Variants in FBXW4 observed in about 807,000 individuals in gnomAD.
FBXW4 encodes the protein F-box and WD repeat domain containing 4.
In FBXW4, 40 loss-of-function variants were observed where a neutral mutation model predicts 61.8. That is an observed-to-expected ratio of 0.65 (90% CI 0.50 to 0.84). The LOEUF is 0.84. FBXW4 is among the 40% of genes least tolerant of loss of function. FBXW4 has a pLI of 0.00. For missense variants in FBXW4, 672 were observed against 753.8 expected (o/e 0.89, Z 1.27); for synonymous variants, 311 against 313.8 (o/e 0.99, Z 0.10).
chr10:101,654,119 TAAAAAAA>T (rs60568785), intron 5 of FBXW4, among the ~76,000 whole-genome samples: 1 of 118,306 alleles, frequency 8.5e-6, no homozygotes, highest in African/African-American at 3.2e-5. Context: ...GACTCCGTCT[TAAAAAAA>T]AAAAAAAAAA....
Position 101,652,352 on chromosome 10 carries a change from A to G in FBXW4, c.1235+15534T>C, listed in dbSNP as rs553307131. On this transcript the variant is annotated intron_variant, in intron 5 of 8. Transcript: ENST00000331272. ...TCAGTAGCTTTTTTCTTGATTCTAA[A>G]TCAGTCTCTCTTGCTTCGCCCTGGA... Among the ~76,000 whole-genome samples the G allele has an allele frequency of 2.6e-5, 4 of 152,288 alleles. No homozygotes were observed. In the South Asian group the frequency reaches 8.3e-4, roughly 32 times the overall value.
intron 6 of FBXW4, among the ~76,000 whole-genome samples, chr10:101,623,654 C>A (rs2063885163): frequency 6.6e-6 from 1 of 152,014 alleles, no homozygotes; most frequent in Non-Finnish European, 1.5e-5. Context: ...GCTTTAGTTG[C>A]AATAGTCAAA....
At chr10:101,645,636 A>G (rs968462486) in intron 5 of FBXW4, among the ~76,000 whole-genome samples, 13 of 152,260 alleles carry the variant, frequency 8.5e-5, no homozygotes, top group South Asian at 2.1e-4. Flanking sequence ...GGGTTCCCCA[A>G]GCCAGCCTTG....
chr10:101,629,460 T>G (rs927873777), intron 5 of FBXW4, among the ~76,000 whole-genome samples: 1 of 152,004 alleles, frequency 6.6e-6, no homozygotes, highest in Admixed American at 6.6e-5. Context: ...ATTTTTGTAT[T>G]TTTAGTAGAG....
At chr10:101,679,802 A>C (rs2064453016) in intron 1 of FBXW4, among the ~76,000 whole-genome samples, 1 of 152,186 alleles carries the variant, frequency 6.6e-6, no homozygotes, top group East Asian at 1.9e-4. Context: ...GAATTGTACA[A>C]TGATGAAGTC....
intron 3 of FBXW4, 45 bp downstream of exon 3, chr10:101,673,443 A>T (rs746357841): frequency 6.2e-7 from 1 of 1,602,786 alleles, no homozygotes; most frequent in South Asian, 1.1e-5. Flanking sequence ...ATGTCCCCGA[A>T]GTATAAGATG....
At chr10:101,631,486 T>G (rs1179203220) in intron 5 of FBXW4, among the ~76,000 whole-genome samples, 1 of 151,934 alleles carries the variant, frequency 6.6e-6, no homozygotes, top group Non-Finnish European at 1.5e-5. Flanking sequence ...AAGGAAAGAG[T>G]GGAAGAAAAC....
At chr10:101,664,973 C>G (rs952850801) in intron 5 of FBXW4, among the ~76,000 whole-genome samples, 6 of 151,948 alleles carry the variant, frequency 3.9e-5, no homozygotes, top group African/African-American at 1.5e-4. Context: ...AGGCTGGGAG[C>G]GGGAATGACT....
chr10:101,619,138 G>C (rs1433426331), intron 6 of FBXW4, among the ~76,000 whole-genome samples: 1 of 152,220 alleles, frequency 6.6e-6, no homozygotes, highest in Non-Finnish European at 1.5e-5. Flanking sequence ...CTCAGGGCCT[G>C]ATGGGATCAC....
intron 5 of FBXW4, among the ~76,000 whole-genome samples, chr10:101,630,590 TGCGAA>T (rs1448711647): frequency 6.6e-6 from 1 of 152,074 alleles, no homozygotes; most frequent in African/African-American, 2.4e-5. Flanking sequence ...ATGAATACAG[TGCGAA>T]GGTCACAAAA....
intron 5 of FBXW4, among the ~76,000 whole-genome samples, chr10:101,634,592 A>G (rs1296853113): frequency 6.7e-6 from 1 of 149,164 alleles, no homozygotes; most frequent in African/African-American, 2.5e-5. Flanking sequence ...AGCCACACCT[A>G]TCTACTTGTA....
In FBXW4 at chr10:101,640,658, AT is replaced by A. The variant is rs200557925; in HGVS notation, c.1236-15849del. On this transcript the variant is annotated intron_variant, in intron 5 of 8. Transcript: ENST00000331272. ...AGGCATGTGCTACCATCCCCAGCTAATTTTTTTTTTTTTTTTTAAGTAGAGA... is the reference window on the plus strand; with the variant it reads ...AGGCATGTGCTACCATCCCCAGCTAATTTTTTTTTTTTTTTTAAGTAGAGA... 3.9e-3 allele frequency among the ~76,000 whole-genome samples: 516 copies of A among 132,976 alleles called. 1 individual carries two copies. Among genetic ancestry groups the A allele is most frequent in the Admixed American group, 4.4e-3 (58 of 13,260 alleles). The allele number at this position is 132,976 out of a possible 152,430, so 87.2% of individuals were successfully genotyped here. A position where few individuals can be genotyped will look rare whatever the true frequency, so the allele number is the denominator to read the frequency against.
intron 5 of FBXW4, among the ~76,000 whole-genome samples, chr10:101,630,041 A>G (rs536155176): frequency 3.3e-5 from 5 of 152,282 alleles, no homozygotes; most frequent in African/African-American, 1.2e-4. Flanking sequence ...CAGAGCTGTC[A>G]CATCATTCAC....
intron 5 of FBXW4, chr10:101,659,969 T>C (rs1262873840): frequency 2.2e-6 from 1 of 454,970 alleles, no homozygotes; most frequent in Non-Finnish European, 2.9e-6. Flanking sequence ...AAGATAAGCA[T>C]GGAAATCTGT....
rs752571607 is a variant in FBXW4 at position 101,694,670 on chromosome 10, A to C, written c.436T>G (p.Trp146Gly). 11 of 1,398,314 alleles carry C rather than the reference A, an allele frequency of 7.9e-6. No individual in the cohort carries two copies. Among genetic ancestry groups the C allele is most frequent in the Admixed American group, 7.0e-5 (2 of 28,720 alleles). The allele number at this position is 1,398,314 out of a possible 1,614,324, so 86.6% of individuals were successfully genotyped here. A position where few individuals can be genotyped will look rare whatever the true frequency, so the allele number is the denominator to read the frequency against. ...GRAQGRGGQA[W>G]ADIAGTGVAM... ...ACCCCTGTCCCCGCGATGTCGGCCC[A>C]AGCCTGACCCCCTCGTCCCTGTGCT... Residue 146 changes from tryptophan to glycine, a missense_variant, in exon 1 of 9, where the codon TGG becomes GGG. By Grantham distance (184) the Trp-to-Gly change is radical. This residue lies in a region of FBXW4 where 311 missense variants were observed against 301.1 expected (regional missense o/e 1.03). Coordinates refer to ENST00000331272, the MANE Select transcript of FBXW4 (RefSeq NM_022039.4). The surrounding 1 kb of genome is among the most constrained non-coding windows in gnomAD (Gnocchi z 6.0).
chr10:101,612,087 G>GTGAC (rs2063791432), intron 7 of FBXW4, among the ~76,000 whole-genome samples: 1 of 152,264 alleles, frequency 6.6e-6, no homozygotes, highest in African/African-American at 2.4e-5. Flanking sequence ...AGAATATTGA[G>GTGAC]TGACAGTACC....
intron 6 of FBXW4, among the ~76,000 whole-genome samples, chr10:101,618,577 C>T (rs1276781017): frequency 2.0e-5 from 3 of 152,066 alleles, no homozygotes; most frequent in Non-Finnish European, 4.4e-5. Flanking sequence ...AGGGATGACC[C>T]TGGCCCAAAG....
rs2064660306 is a variant in FBXW4 at position 101,694,887 on chromosome 10, A to C, written c.219T>G (p.Ala73=). Residue 73 remains alanine (A), a synonymous_variant, in exon 1 of 9, where the codon GCT becomes GCG. Transcript: ENST00000331272. This position sits in a 1 kb window ranked among gnomAD's most constrained non-coding sequence, Gnocchi z 6.0. ...QTAKEAAGPG[A]DAGARACPRE... The stretch of plus-strand genomic sequence containing the variant: ...TTGGGCATGCCCTCGCTCCCGCGTC[A>C]GCCCCCGGCCCGGCTGCCTCCTTCG... 1.6e-6 allele frequency: 2 copies of C among 1,239,750 alleles called. No individual in the cohort carries two copies. Among genetic ancestry groups the C allele is most frequent in the Non-Finnish European group, 2.0e-6 (2 of 993,032 alleles). 76.8% of individuals were successfully genotyped at this position (1,239,750 alleles called of 1,614,324 possible). A position where few individuals can be genotyped will look rare whatever the true frequency, so the allele number is the denominator to read the frequency against.
At chr10:101,660,067 G>A (rs2064227557) in intron 5 of FBXW4, 1 of 985,124 alleles carries the variant, frequency 1.0e-6, no homozygotes, top group African/African-American at 1.7e-5. Flanking sequence ...CTGCCCCATG[G>A]CCCAAAGGAA....
Sources: gnomAD v4.1 joint callset for allele counts (sites outside exome capture counted in the v4.1 genomes callset) on GRCh38, gnomAD v4.1.1 for gene constraint, gnomAD v4.1.1 regional missense constraint, Gnocchi (gnomAD v3.1) non-coding constraint, MANE v1.5 for transcripts, NCBI Gene and HGNC (gene_info 2026-07-23, HGNC 2026-07-21) for gene names.